The following TEX11 variants were observed in gnomAD, a reference collection of about 807,000 sequenced individuals.
TEX11 encodes the protein testis expressed 11.
A neutral mutation model predicts 84.4 loss-of-function variants in TEX11; 7 were observed. The ratio of observed to expected loss-of-function variants is 0.08; its 90% confidence interval spans 0.05 to 0.16. The LOEUF is 0.16. TEX11 is among the 10% of genes least tolerant of loss of function. TEX11 has a pLI of 1.00. For synonymous variants in TEX11, 264 were observed against 222.8 expected, an observed-to-expected ratio of 1.18 and a Z score of -1.64; for missense variants, 551 against 660.5, an observed-to-expected ratio of 0.83 and a Z score of 1.82.
chrX:70,564,920 A>G (rs1200962833), intron 25 of TEX11, among the ~76,000 whole-genome samples: 1 of 109,857 alleles, frequency 9.1e-6, no homozygotes, highest in Non-Finnish European at 1.9e-5. Flanking sequence ...GTATATACCC[A>G]GTAATGGGAT....
At chrX:70,852,301 G>A (rs1244529556) in intron 7 of TEX11, among the ~76,000 whole-genome samples, 4 of 111,739 alleles carry the variant, frequency 3.6e-5, no homozygotes, top group Non-Finnish European at 7.5e-5. Context: ...TTCTGCCTCA[G>A]ACTCCCTAGT....
chrX:70,862,749 C>CAA (rs749817870), intron 4 of TEX11, among the ~76,000 whole-genome samples: 46 of 69,462 alleles, frequency 6.6e-4, no homozygotes, highest in Non-Finnish European at 9.0e-4. Flanking sequence ...AGTAAAAATA[C>CAA]AAAAAAAAAA....
intron 25 of TEX11, among the ~76,000 whole-genome samples, chrX:70,584,143 C>T (rs1006707407): frequency 5.6e-5 from 6 of 107,799 alleles, no homozygotes; most frequent in South Asian, 8.3e-4. Flanking sequence ...ATTAGCCGGG[C>T]GCGGTGGCGG....
chrX:70,537,961 A>C (rs1603035789), intron 28 of TEX11, among the ~76,000 whole-genome samples: 1 of 111,756 alleles, frequency 8.9e-6, no homozygotes, highest in African/African-American at 3.2e-5. Context: ...AGCCGTAGGA[A>C]GGTGGTATAT....
At chrX:70,775,101 C>T (rs1332011001) in intron 9 of TEX11, among the ~76,000 whole-genome samples, 1 of 111,815 alleles carries the variant, frequency 8.9e-6, no homozygotes, top group Non-Finnish European at 1.9e-5. Flanking sequence ...AAATTGGTCT[C>T]TTCAATAAAT....
At chrX:70,887,371 G>A (rs939029258) in intron 2 of TEX11, among the ~76,000 whole-genome samples, 2 of 111,903 alleles carry the variant, frequency 1.8e-5, no homozygotes, top group African/African-American at 6.5e-5. Flanking sequence ...CCCAGGCCTG[G>A]AAGATTCACC....
chrX:70,798,789 T>C (rs1402041893), intron 9 of TEX11, among the ~76,000 whole-genome samples: 1 of 111,744 alleles, frequency 8.9e-6, no homozygotes, highest in African/African-American at 3.2e-5. Flanking sequence ...GATATCCACA[T>C]ACAGAAGAAT....
At chrX:70,628,572 T>A (rs754166092) in intron 18 of TEX11, among the ~76,000 whole-genome samples, 1 of 112,171 alleles carries the variant, frequency 8.9e-6, no homozygotes, top group South Asian at 3.7e-4. Context: ...TTCTGTAGAC[T>A]TACTTTCCTA....
intron 16 of TEX11, among the ~76,000 whole-genome samples, chrX:70,653,290 G>T (rs577784468): frequency 8.9e-6 from 1 of 111,941 alleles, no homozygotes; most frequent in South Asian, 3.7e-4. Flanking sequence ...AAACACATAT[G>T]TAATGAAGGA....
chrX:70,781,155 T>C (rs1371851439), intron 9 of TEX11, among the ~76,000 whole-genome samples: 1 of 111,824 alleles, frequency 8.9e-6, no homozygotes, highest in Non-Finnish European at 1.9e-5. Context: ...CCTCCGCTGG[T>C]GATACCCAGG....
At chrX:70,716,055 A>G (rs1195013248) in intron 13 of TEX11, among the ~76,000 whole-genome samples, 1 of 109,358 alleles carries the variant, frequency 9.1e-6, no homozygotes, top group African/African-American at 3.3e-5. Context: ...CCAGAGGTCC[A>G]CTCCAGACCC....
intron 8 of TEX11, among the ~76,000 whole-genome samples, chrX:70,823,509 G>A (rs754931401): frequency 9.0e-6 from 1 of 111,139 alleles, no homozygotes; most frequent in South Asian, 3.8e-4. Flanking sequence ...AAAACATCAA[G>A]TTGTTCACCT....
intron 9 of TEX11, among the ~76,000 whole-genome samples, chrX:70,749,477 A>G: frequency 9.1e-6 from 1 of 109,641 alleles, no homozygotes; most frequent in South Asian, 4.1e-4. Flanking sequence ...GAGTGGTGAG[A>G]GAGGGCATCC....
chrX:70,543,562 A>T (rs1194691948), intron 28 of TEX11, among the ~76,000 whole-genome samples: 3 of 112,619 alleles, frequency 2.7e-5, no homozygotes, highest in Non-Finnish European at 5.6e-5. Flanking sequence ...AGAATTTCCT[A>T]TTCATCCGAG....
chrX:70,586,833 G>A (rs773430060), intron 25 of TEX11, among the ~76,000 whole-genome samples: 8 of 112,131 alleles, frequency 7.1e-5, no homozygotes, highest in Admixed American at 3.8e-4. Context: ...TGACAGGTAA[G>A]AGGTTGGAAC....
chrX:70,532,890 T>C (rs760718201), intron 28 of TEX11, among the ~76,000 whole-genome samples: 2 of 108,124 alleles, frequency 1.8e-5, no homozygotes, highest in Non-Finnish European at 3.8e-5. Context: ...TACAAAACAT[T>C]AGCCGGGCGT....
At chrX:70,516,704 C>T in the TEX11 span, among the ~76,000 whole-genome samples, 7 of 110,433 alleles carry the variant, frequency 6.3e-5, no homozygotes, top group East Asian at 1.7e-3. Context: ...CTATAAATTA[C>T]CTTGGGCAGT....
intron 16 of TEX11, among the ~76,000 whole-genome samples, chrX:70,658,848 A>G (rs1309854012): frequency 1.8e-5 from 2 of 111,756 alleles, no homozygotes; most frequent in Non-Finnish European, 3.8e-5. Flanking sequence ...TAGTACTGAG[A>G]TAAGGACTGA....
intron 13 of TEX11, among the ~76,000 whole-genome samples, chrX:70,711,839 C>G (rs1328436892): frequency 3.6e-5 from 4 of 111,071 alleles, no homozygotes; most frequent in East Asian, 5.6e-4. Flanking sequence ...ATTGCTTTTG[C>G]TGTTTTAGAC....
Sources: gnomAD v4.1 joint callset for allele counts (sites outside exome capture counted in the v4.1 genomes callset) on GRCh38, gnomAD v4.1.1 for gene constraint, MANE v1.5 for transcripts, NCBI Gene and HGNC (gene_info 2026-07-23, HGNC 2026-07-21) for gene names.